Variants in TMC7 observed in about 807,000 individuals in gnomAD.
The protein encoded by TMC7 is transmembrane channel like 7.
A neutral mutation model predicts 82.9 loss-of-function variants in TMC7; 54 were observed. That is an observed-to-expected ratio of 0.65 (90% CI 0.52 to 0.82). The LOEUF (loss-of-function observed/expected upper bound fraction) is 0.82. TMC7 is among the 40% of genes least tolerant of loss of function. TMC7 has a pLI of 0.00. For synonymous variants in TMC7, 350 were observed against 337.9 expected, an observed-to-expected ratio of 1.04 and a Z score of -0.39; for missense variants, 820 against 901.2, an observed-to-expected ratio of 0.91 and a Z score of 1.15.
chr16:18,987,500 G>A (rs1240631194), intron 1 of TMC7, among the ~76,000 whole-genome samples: 1 of 151,786 alleles, frequency 6.6e-6, no homozygotes, highest in Non-Finnish European at 1.5e-5. Flanking sequence ...TAGTAGAAAC[G>A]GGCTTTCACT....
Position 19,062,099 on chromosome 16 carries a change from C to G in TMC7, c.*256C>G, listed in dbSNP as rs541886564. 2.5e-5 allele frequency: 10 copies of G among 399,138 alleles called. No homozygotes were observed. The highest frequency in any genetic ancestry group is 6.6e-4 in the Middle Eastern group (1 of 1,504). The allele number at this position is 399,138 out of a possible 1,614,324, so 24.7% of individuals were successfully genotyped here. A position where few individuals can be genotyped will look rare whatever the true frequency, so the allele number is the denominator to read the frequency against. On this transcript the variant is annotated 3_prime_UTR_variant, in exon 16 of 16. Coordinates refer to ENST00000304381, the MANE Select transcript of TMC7 (RefSeq NM_024847.4). ...CTGTGACAACTCTACCAAAAACCAA[C>G]AAGCCATTCAAGCTTTTACAAGAAT...
intron 5 of TMC7, among the ~76,000 whole-genome samples, chr16:19,023,766 A>G (rs984815993): frequency 5.4e-4 from 82 of 152,160 alleles, no homozygotes; most frequent in African/African-American, 1.8e-3. Flanking sequence ...CAATCTTTGT[A>G]TTGATCTGCA....
intron 15 of TMC7, 114 bp downstream of exon 15, chr16:19,059,608 C>G (rs1424542540): frequency 6.3e-7 from 1 of 1,596,108 alleles, no homozygotes. Context: ...CTCTCACCAC[C>G]ACCTCCCCAA....
chr16:19,051,916 A>G, intron 13 of TMC7, 100 bp downstream of exon 13: 1 of 1,456,830 alleles, frequency 6.9e-7, no homozygotes, highest in Non-Finnish European at 9.4e-7. Context: ...TTTTTTTGAG[A>G]TGGAGTCTTG....
intron 2 of TMC7, among the ~76,000 whole-genome samples, chr16:19,016,227 A>T (rs961637054): frequency 7.9e-5 from 12 of 151,874 alleles, no homozygotes; most frequent in African/African-American, 2.7e-4. Context: ...AGTAGCTGGG[A>T]TTACAGGCGC....
chr16:18,994,056 A>C (rs2038996283), intron 1 of TMC7, among the ~76,000 whole-genome samples: 1 of 152,134 alleles, frequency 6.6e-6, no homozygotes, highest in Non-Finnish European at 1.5e-5. Flanking sequence ...AGATACAGTC[A>C]TGGGGGTCAG....
chr16:19,046,856 A>T (rs1013004414), intron 11 of TMC7, among the ~76,000 whole-genome samples: 4 of 151,278 alleles, frequency 2.6e-5, no homozygotes, highest in African/African-American at 9.7e-5. Context: ...AAAGTCAAGG[A>T]TTGTATGAAT....
Position 19,037,939 on chromosome 16 carries a change from C to A in TMC7, c.1071C>A (p.Arg357=). 1 of 1,614,036 alleles carries A rather than the reference C, an allele frequency of 6.2e-7. No homozygotes were observed. The highest frequency in any genetic ancestry group is 1.3e-5 in the African/African-American group (1 of 75,036). ...AAAGGACCTCAGAAGAAACAATACG[C>A]ATTTACTCTTTGAGACTGTTTTTGA... The part of the protein sequence containing the change: ...IAERTSEETI[R]IYSLRLFLNC... Residue 357 remains arginine (R), a synonymous_variant, in exon 8 of 16, where the codon CGC becomes CGA. Coordinates refer to ENST00000304381, the MANE Select transcript of TMC7 (RefSeq NM_024847.4).
intron 2 of TMC7, among the ~76,000 whole-genome samples, chr16:19,012,809 A>G (rs1959442246): frequency 6.6e-6 from 1 of 150,570 alleles, no homozygotes; most frequent in Non-Finnish European, 1.5e-5. Context: ...AAAAAAAAAA[A>G]AAAAAAAAAG....
intron 1 of TMC7, among the ~76,000 whole-genome samples, chr16:18,998,399 G>A (rs1021515534): frequency 6.6e-6 from 1 of 152,130 alleles, no homozygotes; most frequent in African/African-American, 2.4e-5. Flanking sequence ...CCACCTTCTC[G>A]GACAGACAGA....
At chr16:19,031,823 T>A (rs1287754275) in intron 6 of TMC7, among the ~76,000 whole-genome samples, 1 of 152,158 alleles carries the variant, frequency 6.6e-6, no homozygotes, top group African/African-American at 2.4e-5. Flanking sequence ...AGCATGTGGC[T>A]TCGAAGGTCC....
In TMC7 at chr16:19,057,825, G is replaced by T. The variant is rs1377189323; in HGVS notation, c.2027+1128G>T. Among the ~76,000 whole-genome samples the T allele has an allele frequency of 2.0e-5, 3 of 152,348 alleles. No homozygotes were observed. The East Asian group carries it at 5.8e-4, about 29-fold the overall frequency. The stretch of plus-strand genomic sequence containing the variant: ...AACCACCTTCCCTTCATTCAGTGAG[G>T]TTGCCTTCTGTTTTTATGAGGGCTT... On this transcript the variant is annotated intron_variant, in intron 14 of 15. Coordinates refer to ENST00000304381, the MANE Select transcript of TMC7 (RefSeq NM_024847.4).
intron 5 of TMC7, among the ~76,000 whole-genome samples, chr16:19,029,860 G>A (rs1389623007): frequency 2.0e-5 from 3 of 151,962 alleles, no homozygotes; most frequent in African/African-American, 7.3e-5. Flanking sequence ...TTACAGGCGC[G>A]CAACACCAGG....
intron 2 of TMC7, among the ~76,000 whole-genome samples, chr16:19,009,742 C>G (rs1206849306): frequency 6.6e-6 from 1 of 151,920 alleles, no homozygotes; most frequent in Non-Finnish European, 1.5e-5. Flanking sequence ...GAGTTCGAGA[C>G]CAGCCTGGCC....
intron 1 of TMC7, among the ~76,000 whole-genome samples, chr16:19,008,691 A>G (rs1303696156): frequency 2.0e-5 from 3 of 151,796 alleles, no homozygotes; most frequent in African/African-American, 4.9e-5. Flanking sequence ...ACCATGCCTG[A>G]CACACAGGAA....
intron 15 of TMC7, among the ~76,000 whole-genome samples, chr16:19,061,321 G>GT (rs1250501658): frequency 6.7e-6 from 1 of 149,862 alleles, no homozygotes; most frequent in Non-Finnish European, 1.5e-5. Context: ...CCTAATTTTT[G>GT]TATTTTTAGT....
At chr16:19,052,905 G>T (rs1406686915) in intron 13 of TMC7, among the ~76,000 whole-genome samples, 1 of 152,102 alleles carries the variant, frequency 6.6e-6, no homozygotes. Context: ...TAGAGACAGG[G>T]TATCGCCATG....
chr16:19,020,873 T>TA (rs545742077), intron 3 of TMC7, among the ~76,000 whole-genome samples: 1 of 150,540 alleles, frequency 6.6e-6, no homozygotes, highest in African/African-American at 2.4e-5. Context: ...AATAAATAAA[T>TA]AAATAAATAA....
chr16:19,058,556 C>G (rs1361510363), intron 14 of TMC7, among the ~76,000 whole-genome samples: 1 of 152,148 alleles, frequency 6.6e-6, no homozygotes, highest in African/African-American at 2.4e-5. Context: ...GTCATTCTCT[C>G]TCTTTCTGTC....
Sources: gnomAD v4.1 joint callset for allele counts (sites outside exome capture counted in the v4.1 genomes callset) on GRCh38, gnomAD v4.1.1 for gene constraint, MANE v1.5 for transcripts, NCBI Gene and HGNC (gene_info 2026-07-23, HGNC 2026-07-21) for gene names.